The following TENT2 variants were observed in gnomAD, a reference collection of about 807,000 sequenced individuals.
TENT2 encodes poly(A) RNA polymerase GLD2.
In TENT2, 44 loss-of-function variants were observed where a neutral mutation model predicts 72.2. The observed-to-expected ratio is 0.61, with a 90% CI of 0.48 to 0.78. TENT2 has a LOEUF of 0.78. Ranked by LOEUF, TENT2 falls within the 30% of genes least tolerant of loss-of-function variation. The pLI is 0.00. For missense variants in TENT2, 541 were observed against 569.6 expected (o/e 0.95, Z 0.51); for synonymous variants, 212 against 192.5 (o/e 1.10, Z -0.84).
intron 11 of TENT2, among the ~76,000 whole-genome samples, chr5:79,662,643 T>C (rs1803958710): frequency 6.6e-6 from 1 of 152,180 alleles, no homozygotes; most frequent in Non-Finnish European, 1.5e-5. Context: ...GTCTCAACAG[T>C]GGGCTTAAAA....
chr5:79,688,227 TAACTC>T lies in TENT2; in HGVS notation c.*2955_*2959del, dbSNP rs1826665641. 6.6e-6 allele frequency among the ~76,000 whole-genome samples: 1 copy of T among 152,230 alleles called. No individual in the cohort carries two copies. Among genetic ancestry groups the T allele is most frequent in the South Asian group, 2.1e-4 (1 of 4,832 alleles). Reference sequence around the variant, plus strand: ...ACTTGCTATAATTAAAAATAAATGTTAACTCTTCTAGCCATCAAATCATTCTCATG... The same window carrying T: ...ACTTGCTATAATTAAAAATAAATGTTTTCTAGCCATCAAATCATTCTCATG... On this transcript the variant is annotated 3_prime_UTR_variant, in exon 15 of 15. Coordinates refer to ENST00000453514, the MANE Select transcript of TENT2 (RefSeq NM_001114394.3).
At chr5:79,679,699 A>C in intron 13 of TENT2, 29 bp downstream of exon 13, 1 of 1,301,634 alleles carries the variant, frequency 7.7e-7, no homozygotes, top group Non-Finnish European at 1.1e-6. Context: ...TCTACGTATC[A>C]TCATGGTACT....
rs1354642027 is a variant in TENT2 at position 79,648,012 on chromosome 5, T to A, written c.822-605T>A. On this transcript the variant is annotated intron_variant, in intron 8 of 14. Transcript: ENST00000453514. ...TTAAATTATTTCCCCTGTATTTAAT[T>A]TGGCTTTTTATTCCTGTTGTTTTAA... 2.0e-5 allele frequency among the ~76,000 whole-genome samples: 3 copies of A among 152,218 alleles called. No homozygotes were observed. The East Asian group carries it at 5.8e-4, about 29-fold the overall frequency.
chr5:79,621,213 A>T (rs1308514640), intron 3 of TENT2, among the ~76,000 whole-genome samples: 1 of 152,188 alleles, frequency 6.6e-6, no homozygotes, highest in African/African-American at 2.4e-5. Flanking sequence ...ACTGAGGTAG[A>T]TACTATTATC....
rs143211809 is a variant in TENT2, at chr5:79,630,985, T to A, written c.465+7496T>A. Among the ~76,000 whole-genome samples the A allele has an allele frequency of 1.3e-3, 196 of 152,176 alleles. 2 individuals are homozygous for A. The highest frequency in any genetic ancestry group is 6.8e-3 in the Middle Eastern group (2 of 294). ...AATTAGGAAATGCTAGTAGTTAAGA[T>A]GAAGAGAAATTGATGGATTTAAGCT... On this transcript the variant is annotated intron_variant, in intron 4 of 14. Transcript: ENST00000453514.
rs374814793 is a variant in TENT2, at chr5:79,685,340, T to C, written c.*67T>C. The C allele has an allele frequency of 4.6e-5, 53 of 1,153,962 alleles. No homozygotes were observed. In the East Asian group the frequency reaches 1.1e-3, roughly 24 times the overall value. 71.5% of individuals were successfully genotyped at this position (1,153,962 alleles called of 1,614,324 possible). A position where few individuals can be genotyped will look rare whatever the true frequency, so the allele number is the denominator to read the frequency against. On this transcript the variant is annotated 3_prime_UTR_variant, in exon 15 of 15. Transcript: ENST00000453514. ...ACAATAGTTTCATCATAATACATTATGTTTACCTCCATCATAGTTGCTTTT... is the reference window on the plus strand; with the variant it reads ...ACAATAGTTTCATCATAATACATTACGTTTACCTCCATCATAGTTGCTTTT...
intron 12 of TENT2, among the ~76,000 whole-genome samples, chr5:79,676,359 G>A (rs373006199): frequency 3.9e-5 from 6 of 152,216 alleles, no homozygotes; most frequent in Admixed American, 2.6e-4. Flanking sequence ...GCTGAGGTGG[G>A]CAGATCGCTT....
At chr5:79,683,313 TCACACACACACACA>T (rs111701863) in intron 14 of TENT2, among the ~76,000 whole-genome samples, 3 of 145,650 alleles carry the variant, frequency 2.1e-5, no homozygotes, top group Non-Finnish European at 4.6e-5. Context: ...ACGCACATGC[TCACACACACACACA>T]CACACACACA....
rs1428068218 is a variant in TENT2 at position 79,649,224 on chromosome 5, A to C, written c.1027+34A>C. 2.5e-6 allele frequency: 4 copies of C among 1,583,740 alleles called. No individual in the cohort carries two copies. The South Asian group carries it at 4.5e-5, about 18-fold the overall frequency. Reference sequence around the variant, plus strand: ...AATGGGGTTTTACCCAATTTTTAAAAGTAAAAGACAGCTTTATTATGGTGT... The same window carrying C: ...AATGGGGTTTTACCCAATTTTTAAACGTAAAAGACAGCTTTATTATGGTGT... On this transcript the variant is annotated intron_variant, in intron 10 of 14. Transcript: ENST00000453514.
intron 10 of TENT2, among the ~76,000 whole-genome samples, chr5:79,656,451 A>T (rs1355967322): frequency 1.3e-5 from 2 of 151,888 alleles, no homozygotes; most frequent in African/African-American, 4.8e-5. Context: ...TGTTATTTGC[A>T]GTATATCAGT....
chr5:79,625,273 G>C (rs1003214480), intron 4 of TENT2, among the ~76,000 whole-genome samples: 5 of 152,114 alleles, frequency 3.3e-5, no homozygotes, highest in Non-Finnish European at 7.4e-5. Flanking sequence ...CTGTTGGTTG[G>C]TAAGAGTTCT....
At chr5:79,665,414 G>C (rs775150536) in intron 11 of TENT2, among the ~76,000 whole-genome samples, 2 of 152,042 alleles carry the variant, frequency 1.3e-5, no homozygotes, top group African/African-American at 4.8e-5. Context: ...GACTTTGAAG[G>C]TAACGTAAGA....
intron 8 of TENT2, 85 bp downstream of exon 8, chr5:79,645,277 G>A (rs1473304869): frequency 2.0e-6 from 2 of 1,025,370 alleles, no homozygotes; most frequent in African/African-American, 1.7e-5. Flanking sequence ...AGAAGTGTAT[G>A]TTGTAGCATT....
intron 11 of TENT2, among the ~76,000 whole-genome samples, chr5:79,658,765 T>G (rs78444755): frequency 6.6e-6 from 1 of 152,300 alleles, no homozygotes; most frequent in African/African-American, 2.4e-5. Context: ...TGGCGAAATA[T>G]CAGTGTACTG....
chr5:79,646,252 T>C (rs1249266370), intron 8 of TENT2, among the ~76,000 whole-genome samples: 5 of 152,174 alleles, frequency 3.3e-5, no homozygotes, highest in Admixed American at 3.3e-4. Flanking sequence ...CGCTCAGGCA[T>C]GAGTTATAGT....
chr5:79,665,480 CATT>C (rs898887486), intron 11 of TENT2, among the ~76,000 whole-genome samples: 7 of 152,032 alleles, frequency 4.6e-5, no homozygotes, highest in African/African-American at 1.7e-4. Flanking sequence ...GTATTTTTGC[CATT>C]ATTATAGACA....
intron 4 of TENT2, among the ~76,000 whole-genome samples, chr5:79,633,566 G>A (rs1051492686): frequency 2.0e-5 from 3 of 149,002 alleles, no homozygotes; most frequent in Non-Finnish European, 3.0e-5. Flanking sequence ...ACAGGCATGC[G>A]CCACCATGCC....
chr5:79,645,515 G>C (rs1788105258), intron 8 of TENT2, among the ~76,000 whole-genome samples: 1 of 152,002 alleles, frequency 6.6e-6, no homozygotes. Flanking sequence ...AATGAAATTT[G>C]ACATGTACTA....
intron 10 of TENT2, among the ~76,000 whole-genome samples, chr5:79,653,684 G>A (rs1795842655): frequency 6.6e-6 from 1 of 152,140 alleles, no homozygotes; most frequent in South Asian, 2.1e-4. Context: ...GAGCTAATGT[G>A]TATCTCTATA....
Sources: gnomAD v4.1 joint callset for allele counts (sites outside exome capture counted in the v4.1 genomes callset) on GRCh38, gnomAD v4.1.1 for gene constraint, MANE v1.5 for transcripts, NCBI Gene and HGNC (gene_info 2026-07-23, HGNC 2026-07-21) for gene names.